ILRUN: variants seen among roughly 807,000 people sequenced by gnomAD.
ILRUN encodes protein ILRUN.
In ILRUN, 3 loss-of-function variants were observed where a neutral mutation model predicts 33.8. That is an observed-to-expected ratio of 0.09 (90% CI 0.04 to 0.23). The LOEUF (loss-of-function observed/expected upper bound fraction) is 0.23. ILRUN is among the 10% of genes least tolerant of loss of function. The pLI is 1.00. For missense variants in ILRUN, 210 were observed against 375.1 expected (o/e 0.56, Z 3.64); for synonymous variants, 124 against 138.9 (o/e 0.89, Z 0.75).
At chr6:34,595,975 G>A in intron 4 of ILRUN, 2 of 941,690 alleles carry the variant, frequency 2.1e-6, no homozygotes, top group Non-Finnish European at 2.5e-6. Flanking sequence ...AAGAATACAG[G>A]GTTTAGTACT....
chr6:34,693,393 C>T (rs938809630), intron 1 of ILRUN, among the ~76,000 whole-genome samples: 2 of 151,918 alleles, frequency 1.3e-5, no homozygotes, highest in Non-Finnish European at 2.9e-5. Flanking sequence ...CTTATTCTGT[C>T]GCCCAGGCTG....
At chr6:34,593,800 C>G (rs1215846877) in intron 4 of ILRUN, among the ~76,000 whole-genome samples, 1 of 152,122 alleles carries the variant, frequency 6.6e-6, no homozygotes, top group East Asian at 1.9e-4. Context: ...ATCTAGACTC[C>G]CCCACACACA....
Position 34,592,596 on chromosome 6 carries a change from A to T in ILRUN, c.862-1996T>A, listed in dbSNP as rs994476502. 5.9e-5 allele frequency among the ~76,000 whole-genome samples: 9 copies of T among 152,062 alleles called. No homozygotes were observed. Among genetic ancestry groups the T allele is most frequent in the African/African-American group, 1.7e-4 (7 of 41,398 alleles). The stretch of plus-strand genomic sequence containing the variant: ...GCCATTATTTTTATTTTTATTTTTT[A>T]TTTTTATTTTTTTCAAGACAGAGTC... On this transcript the variant is annotated intron_variant, in intron 4 of 4. Coordinates refer to ENST00000374023, the MANE Select transcript of ILRUN (RefSeq NM_024294.4). The surrounding 1 kb of genome is among the most constrained non-coding windows in gnomAD (Gnocchi z 4.0).
chr6:34,647,728 C>T (rs572160430), intron 2 of ILRUN, among the ~76,000 whole-genome samples: 2 of 152,296 alleles, frequency 1.3e-5, no homozygotes, highest in Admixed American at 6.5e-5. Context: ...CCACGCCTGG[C>T]TAATTATTGT....
intron 3 of ILRUN, among the ~76,000 whole-genome samples, chr6:34,637,432 A>T (rs1429329886): frequency 6.6e-6 from 1 of 152,186 alleles, no homozygotes; most frequent in African/African-American, 2.4e-5. Flanking sequence ...TAAATTCAGA[A>T]TTTCTGGAAT....
At chr6:34,656,909 T>C (rs1762782462) in intron 1 of ILRUN, among the ~76,000 whole-genome samples, 1 of 152,232 alleles carries the variant, frequency 6.6e-6, no homozygotes, top group South Asian at 2.1e-4. Context: ...GGGGCCAAAC[T>C]GCACCTGTTT....
intron 1 of ILRUN, among the ~76,000 whole-genome samples, chr6:34,694,811 G>T (rs554104504): frequency 7.2e-5 from 11 of 152,196 alleles, no homozygotes; most frequent in African/African-American, 2.6e-4. Context: ...ACTTTGGGAG[G>T]CCAAGGCGGG....
chr6:34,681,712 A>G (rs1763360745), intron 1 of ILRUN, among the ~76,000 whole-genome samples: 1 of 152,156 alleles, frequency 6.6e-6, no homozygotes, highest in Non-Finnish European at 1.5e-5. Context: ...AGACGAGCTT[A>G]CTACTAGATA....
intron 2 of ILRUN, among the ~76,000 whole-genome samples, chr6:34,650,859 C>G (rs979960539): frequency 6.6e-6 from 1 of 152,142 alleles, no homozygotes; most frequent in African/African-American, 2.4e-5. Flanking sequence ...TATTTGCATG[C>G]CCAGCACGCC....
chr6:34,639,121 G>A lies in ILRUN; in HGVS notation c.511+7480C>T, dbSNP rs192576758. 8.5e-5 allele frequency among the ~76,000 whole-genome samples: 13 copies of A among 152,324 alleles called. No individual in the cohort carries two copies. The East Asian group carries it at 2.5e-3, about 29-fold the overall frequency. ...ACAAAGGTTTTGGGAAATAAACAGTGTAGTTTACATAGAGCACCCAATAAG... is the reference window on the plus strand; with the variant it reads ...ACAAAGGTTTTGGGAAATAAACAGTATAGTTTACATAGAGCACCCAATAAG... On this transcript the variant is annotated intron_variant, in intron 3 of 4. Transcript: ENST00000374023.
At chr6:34,658,488 T>A (rs1257492749) in intron 1 of ILRUN, among the ~76,000 whole-genome samples, 4 of 140,932 alleles carry the variant, frequency 2.8e-5, no homozygotes, top group Non-Finnish European at 6.0e-5. Context: ...ATTTTTCTTT[T>A]TCTTTTTTTT....
At chr6:34,598,507 C>T (rs1761446824) in intron 4 of ILRUN, among the ~76,000 whole-genome samples, 1 of 152,176 alleles carries the variant, frequency 6.6e-6, no homozygotes, top group South Asian at 2.1e-4. Context: ...AATTAAAATG[C>T]TGAATTCAGA....
intron 3 of ILRUN, among the ~76,000 whole-genome samples, chr6:34,608,369 C>T (rs1761676887): frequency 6.6e-6 from 1 of 151,260 alleles, no homozygotes; most frequent in African/African-American, 2.4e-5. Context: ...GTTGACACAG[C>T]AAGACTCCAT....
intron 3 of ILRUN, chr6:34,616,713 C>A (rs934295477): frequency 2.5e-6 from 2 of 802,270 alleles, no homozygotes; most frequent in African/African-American, 3.4e-5. Flanking sequence ...ATGCACAGAA[C>A]TGAAATTCAA....
intron 1 of ILRUN, among the ~76,000 whole-genome samples, chr6:34,696,073 C>T (rs1377333898): frequency 6.6e-6 from 1 of 152,064 alleles, no homozygotes; most frequent in African/African-American, 2.4e-5. Flanking sequence ...ATCCAGATCT[C>T]CTGTGCTTTT....
At chr6:34,696,402 C>T (rs1355447378) in intron 1 of ILRUN, 44 bp downstream of exon 1, 1 of 1,523,920 alleles carries the variant, frequency 6.6e-7, no homozygotes, top group Non-Finnish European at 8.8e-7. Context: ...CCCCTCGGGG[C>T]CCCCGAGGCC....
At chr6:34,691,996 C>T (rs1451075889) in intron 1 of ILRUN, among the ~76,000 whole-genome samples, 1 of 152,184 alleles carries the variant, frequency 6.6e-6, no homozygotes, top group Non-Finnish European at 1.5e-5. Flanking sequence ...CAGGGTCTCA[C>T]TCTGCTACCT....
chr6:34,596,853 G>A (rs1761409785), intron 4 of ILRUN, among the ~76,000 whole-genome samples: 1 of 152,104 alleles, frequency 6.6e-6, no homozygotes, highest in African/African-American at 2.4e-5. Flanking sequence ...TGTTGTATCT[G>A]CCTCTGTAAT....
intron 1 of ILRUN, among the ~76,000 whole-genome samples, chr6:34,686,225 G>T (rs191039375): frequency 8.3e-4 from 126 of 152,278 alleles, no homozygotes; most frequent in South Asian, 4.1e-3. Context: ...TACAGGCCAG[G>T]TGTGGTGGCT....
Sources: allele counts gnomAD v4.1 joint callset (sites outside exome capture counted in the v4.1 genomes callset), GRCh38; gene constraint gnomAD v4.1.1; non-coding constraint Gnocchi (gnomAD v3.1); transcripts MANE v1.5; gene names NCBI Gene and HGNC (gene_info 2026-07-23, HGNC 2026-07-21).